The following BAIAP2 variants were observed in gnomAD, a reference collection of about 807,000 sequenced individuals.
BAIAP2 encodes BAR/IMD domain containing adaptor protein 2.
A neutral mutation model predicts 63.0 loss-of-function variants in BAIAP2; 18 were observed. The observed-to-expected ratio is 0.29, with a 90% CI of 0.20 to 0.42. BAIAP2 has a LOEUF of 0.42. Among genes scored for constraint, BAIAP2 ranks in the 10% least tolerant of loss-of-function variants. BAIAP2 has a pLI of 1.00. For missense variants in BAIAP2, 610 were observed against 734.3 expected, an observed-to-expected ratio of 0.83 and a Z score of 1.96; for synonymous variants, 386 against 307.6, an observed-to-expected ratio of 1.25 and a Z score of -2.67.
intron 13 of BAIAP2, 137 bp from the exon 14 acceptor site, chr17:81,115,633 G>A: frequency 9.5e-7 from 1 of 1,051,500 alleles, no homozygotes; most frequent in South Asian, 1.4e-5. Flanking sequence ...AGCGTATATT[G>A]TCTGTGAGCT....
At chr17:81,109,665 C>T (rs2059659374) in intron 13 of BAIAP2, 4 of 985,430 alleles carry the variant, frequency 4.1e-6, no homozygotes, top group South Asian at 4.7e-5. Flanking sequence ...GAGGGCTTCT[C>T]CCTCTGGACA....
chr17:81,055,925 C>A (rs1294417962), intron 2 of BAIAP2, among the ~76,000 whole-genome samples: 1 of 152,108 alleles, frequency 6.6e-6, no homozygotes, highest in African/African-American at 2.4e-5. Flanking sequence ...CCCCGTCCCC[C>A]AGCCAGGAGC....
At position 81,098,432 on chromosome 17, in the gene BAIAP2, T is replaced by TA. The variant is rs774653908; in HGVS notation, c.490-1493dup. Among the ~76,000 whole-genome samples, 3 of 147,682 alleles carry TA rather than the reference T, an allele frequency of 2.0e-5. No individual in the cohort carries two copies. The South Asian group carries it at 6.5e-4, about 32-fold the overall frequency. ...TACTTCTTTTAAAGTTTTTTTTTTTTAAATTGTGATAAAATACACGTAACT... is the reference window on the plus strand; with the variant it reads ...TACTTCTTTTAAAGTTTTTTTTTTTTAAAATTGTGATAAAATACACGTAACT... On this transcript the variant is annotated intron_variant, in intron 6 of 13. Coordinates refer to ENST00000428708, the MANE Select transcript of BAIAP2 (RefSeq NM_001144888.2).
intron 1 of BAIAP2, among the ~76,000 whole-genome samples, chr17:81,049,623 C>T (rs1408618847): frequency 6.6e-6 from 1 of 152,230 alleles, no homozygotes; most frequent in Non-Finnish European, 1.5e-5. Context: ...CAAAAAGATA[C>T]ACTCGCTCAG....
At chr17:81,095,735 T>C (rs1472521858) in intron 6 of BAIAP2, among the ~76,000 whole-genome samples, 1 of 152,142 alleles carries the variant, frequency 6.6e-6, no homozygotes, top group African/African-American at 2.4e-5. Context: ...CAGAGCACCG[T>C]GCAGCCGTAC....
rs923540743 is a variant in BAIAP2, at chr17:81,115,916, C to T, written c.*77C>T. The T allele has an allele frequency of 1.9e-5, 31 of 1,591,476 alleles. No individual in the cohort carries two copies. Among genetic ancestry groups the T allele is most frequent in the African/African-American group, 5.4e-5 (4 of 74,642 alleles). ...GTAGCCTGTTCTGTCATCATCTGTG[C>T]GTTCCTGTGTAGAGAACATCCAGGC... is the stretch of plus-strand genomic sequence containing the variant. On this transcript the variant is annotated 3_prime_UTR_variant, in exon 14 of 14. Transcript: ENST00000428708.
intron 13 of BAIAP2, among the ~76,000 whole-genome samples, chr17:81,112,381 G>A (rs2060022839): frequency 6.6e-6 from 1 of 152,264 alleles, no homozygotes; most frequent in African/African-American, 2.4e-5. Flanking sequence ...CACGCAGTCT[G>A]CCTGGTCTGA....
chr17:81,077,719 C>T (rs1598660967), intron 3 of BAIAP2, among the ~76,000 whole-genome samples: 2 of 152,226 alleles, frequency 1.3e-5, no homozygotes, highest in Admixed American at 1.3e-4. Context: ...GGAGCGGGTG[C>T]CGTCTCAGGT....
intron 6 of BAIAP2, among the ~76,000 whole-genome samples, chr17:81,093,672 A>G (rs745318096): frequency 1.6e-4 from 24 of 151,962 alleles, no homozygotes; most frequent in Admixed American, 2.6e-4. Context: ...TGCCCCCAGG[A>G]TCCCCCCTCC....
At position 81,046,556 on chromosome 17, in the gene BAIAP2, A is replaced by T. The variant is rs1242986123; in HGVS notation, c.55-7112A>T. On this transcript the variant is annotated intron_variant, in intron 1 of 13. Coordinates refer to ENST00000428708, the MANE Select transcript of BAIAP2 (RefSeq NM_001144888.2). The surrounding 1 kb of genome is among the most constrained non-coding windows in gnomAD (Gnocchi z 4.5). ...CATCGGTGCTCCTGTGTGTGGGGTC[A>T]GCAGTGGCCCGCCCTGGAGGACGCT... is the stretch of plus-strand genomic sequence containing the variant. 6.6e-6 allele frequency among the ~76,000 whole-genome samples: 1 copy of T among 151,612 alleles called. No individual in the cohort carries two copies. The highest frequency in any genetic ancestry group is 6.6e-5 in the Admixed American group (1 of 15,234).
chr17:81,103,638 C>T lies in BAIAP2; in HGVS notation c.779C>T (p.Ala260Val). 3.1e-6 allele frequency: 5 copies of T among 1,605,560 alleles called. No homozygotes were observed. Among genetic ancestry groups the T allele is most frequent in the Non-Finnish European group, 3.4e-6 (4 of 1,178,338 alleles). ...GCCACCCTCCCCAGCGCCCTGTCGG[C>T]CTCCAAGTCCAACCTGGTCATTTCC... is the stretch of plus-strand genomic sequence containing the variant. ...NGATLPSALS[A>V]SKSNLVISDP... The change falls in exon 8 of 14, where the codon GCC (alanine) becomes GTC (valine). Residue 260 changes from alanine (A) to valine (V), a missense_variant. By Grantham distance (64) the Ala-to-Val change is moderately conservative. Transcript: ENST00000428708.
intron 5 of BAIAP2, 65 bp from the exon 6 acceptor site, chr17:81,086,378 G>A: frequency 6.3e-7 from 1 of 1,580,892 alleles, no homozygotes; most frequent in Non-Finnish European, 8.6e-7. Context: ...CGGTTTTGCT[G>A]CCAGTGGTCC....
chr17:81,065,155 G>A (rs1029365733), intron 3 of BAIAP2, among the ~76,000 whole-genome samples: 9 of 152,226 alleles, frequency 5.9e-5, no homozygotes, highest in Non-Finnish European at 2.9e-5. Context: ...GCAGCTCGGG[G>A]AGACTGGAGT....
intron 1 of BAIAP2, chr17:81,053,348 C>T (rs569187025): frequency 4.3e-5 from 13 of 302,450 alleles, no homozygotes; most frequent in African/African-American, 1.1e-4. Flanking sequence ...TCGGCAGCGG[C>T]GCGTCTGAGC....
intron 13 of BAIAP2, among the ~76,000 whole-genome samples, chr17:81,115,187 G>GC (rs931050181): frequency 6.6e-6 from 1 of 152,252 alleles, no homozygotes; most frequent in Non-Finnish European, 1.5e-5. Flanking sequence ...AGGTGGCTGA[G>GC]CCCACAGCAG....
In BAIAP2 at chr17:81,104,573, C is replaced by T. The variant is rs1311232269; in HGVS notation, c.1126C>T (p.Arg376Cys). Residue 376 changes from arginine (R) to cysteine (C), a missense_variant, in exon 10 of 14, where the codon CGT (arginine) becomes TGT (cysteine). Physicochemically the swap from Arg to Cys is radical, Grantham distance 180. Around this residue, in one of 5 missense-constraint regions of BAIAP2, gnomAD observed 67 missense variants for 132.0 expected, o/e 0.51. Transcript: ENST00000428708. ...GGCAGCCGGCCTGGAGCGCAATGGC[C>T]GTATGCGGGTGAAGGCCATCTTCTC... is the stretch of plus-strand genomic sequence containing the variant. ...SMAAGLERNGRMRVKAIFSHA... is the reference protein window; with the variant it reads ...SMAAGLERNGCMRVKAIFSHA... 26 of 1,611,890 alleles carry T rather than the reference C, an allele frequency of 1.6e-5. No homozygotes were observed. Among genetic ancestry groups the T allele is most frequent in the Admixed American group, 1.5e-4 (9 of 59,996 alleles).
At chr17:81,110,894 A>G (rs746984227) in intron 13 of BAIAP2, 6 of 1,612,980 alleles carry the variant, frequency 3.7e-6, no homozygotes, top group Non-Finnish European at 4.2e-6. Flanking sequence ...CCTCCAACTG[A>G]GCCTTGTGTT....
intron 6 of BAIAP2, among the ~76,000 whole-genome samples, chr17:81,090,921 C>T (rs762720278): frequency 7.2e-5 from 11 of 152,330 alleles, no homozygotes; most frequent in East Asian, 1.9e-4. Context: ...AGGGTGTGGC[C>T]GCTGGGGGCC....
intron 10 of BAIAP2, 151 bp downstream of exon 10, chr17:81,104,866 C>G: frequency 1.2e-6 from 1 of 852,812 alleles, no homozygotes; most frequent in African/African-American, 1.7e-5. Flanking sequence ...TGAGAGCAAG[C>G]GTGACCTGGG....
Sources: gnomAD v4.1 joint callset for allele counts (sites outside exome capture counted in the v4.1 genomes callset) on GRCh38, gnomAD v4.1.1 for gene constraint, gnomAD v4.1.1 regional missense constraint, Gnocchi (gnomAD v3.1) non-coding constraint, MANE v1.5 for transcripts, NCBI Gene and HGNC (gene_info 2026-07-23, HGNC 2026-07-21) for gene names.